EIF2AK2: variants seen among roughly 807,000 people sequenced by gnomAD.
EIF2AK2 encodes the protein interferon-induced, double-stranded RNA-activated protein kinase.
In EIF2AK2, 40 loss-of-function variants were observed where a neutral mutation model predicts 70.5. That is an observed-to-expected ratio of 0.57 (90% CI 0.44 to 0.74). The LOEUF (loss-of-function observed/expected upper bound fraction) is 0.74, where lower values mean the gene tolerates loss of function less well. EIF2AK2 is among the 30% of genes least tolerant of loss of function. EIF2AK2 has a pLI of 0.00. For missense variants in EIF2AK2, 555 were observed against 644.3 expected, an observed-to-expected ratio of 0.86 and a Z score of 1.50; for synonymous variants, 198 against 220.9, an observed-to-expected ratio of 0.90 and a Z score of 0.92.
intron 14 of EIF2AK2, among the ~76,000 whole-genome samples, chr2:37,113,434 G>A (rs1195427147): frequency 7.2e-6 from 1 of 139,280 alleles, no homozygotes; most frequent in Admixed American, 7.9e-5. Flanking sequence ...GGCAGAGGTT[G>A]TTGCAGTGAG....
At chr2:37,149,289 T>C in intron 1 of EIF2AK2, 5 of 1,053,356 alleles carry the variant, frequency 4.7e-6, no homozygotes, top group South Asian at 2.6e-5. Context: ...TAATTCATTA[T>C]AAACATGCTG....
At chr2:37,151,935 G>A (rs1405223262) in intron 1 of EIF2AK2, among the ~76,000 whole-genome samples, 2 of 152,304 alleles carry the variant, frequency 1.3e-5, no homozygotes, top group African/African-American at 4.8e-5. Flanking sequence ...GCGCGGTGGC[G>A]CGCGCCTGTA....
intron 13 of EIF2AK2, 92 bp downstream of exon 13, chr2:37,119,867 T>C (rs1304319912): frequency 5.4e-6 from 4 of 737,154 alleles, no homozygotes; most frequent in East Asian, 4.5e-5. Context: ...GTTGAGATTA[T>C]AGGCGTGAGC....
Position 37,126,334 on chromosome 2 carries a change from A to G in EIF2AK2, c.863T>C (p.Ile288Thr). The G allele has an allele frequency of 6.2e-7, 1 of 1,612,342 alleles. No homozygotes were observed. Among genetic ancestry groups the G allele is most frequent in the Non-Finnish European group, 8.5e-7 (1 of 1,179,318 alleles). Residue 288 changes from isoleucine to threonine, a missense_variant, in exon 11 of 17, where the codon ATT (isoleucine) becomes ACT (threonine). This residue lies in a region of EIF2AK2 where 299 missense variants were observed against 375.4 expected (regional missense o/e 0.80). Transcript: ENST00000233057. ...TTTAATAACGTAAGTCTTTCCGTCA[A>G]TTCTGTGTTTTGCTTTGAAAACTTG... is the stretch of plus-strand genomic sequence containing the variant. ...FGQVFKAKHR[I>T]DGKTYVIKRV...
intron 4 of EIF2AK2, among the ~76,000 whole-genome samples, chr2:37,143,493 AT>A (rs1343056554): frequency 6.6e-6 from 1 of 152,194 alleles, no homozygotes; most frequent in Non-Finnish European, 1.5e-5. Flanking sequence ...TCAACCAATC[AT>A]GGATCAAAAA....
intron 1 of EIF2AK2, among the ~76,000 whole-genome samples, chr2:37,156,190 A>C (rs1675917559): frequency 6.6e-6 from 1 of 152,164 alleles, no homozygotes; most frequent in Non-Finnish European, 1.5e-5. Context: ...AAAGGCCTAG[A>C]GGCTGGAGGA....
At chr2:37,137,069 TC>T (rs1401057900) in intron 8 of EIF2AK2, 52 bp from the exon 9 acceptor site, 1 of 1,492,672 alleles carries the variant, frequency 6.7e-7, no homozygotes, top group Admixed American at 2.1e-5. Context: ...TCAGTCATCT[TC>T]CTTTCCCGTT....
Position 37,126,282 on chromosome 2 carries a change from T to C in EIF2AK2, c.908+7A>G. 1 of 1,579,740 alleles carries C rather than the reference T, an allele frequency of 6.3e-7. No individual in the cohort carries two copies. The highest frequency in any genetic ancestry group is 1.7e-4 in the Middle Eastern group (1 of 5,808). On this transcript the variant is annotated splice_region_variant and intron_variant, in intron 11 of 16. Coordinates refer to ENST00000233057, the MANE Select transcript of EIF2AK2 (RefSeq NM_001135651.3). ...CATTCAAAAAAATGTAAACATTTAC[T>C]ACTTACTCGTTATTATATTTAACAC...
At chr2:37,141,203 G>C (rs1051357094) in intron 5 of EIF2AK2, among the ~76,000 whole-genome samples, 2 of 152,188 alleles carry the variant, frequency 1.3e-5, no homozygotes, top group African/African-American at 4.8e-5. Flanking sequence ...GTGGCAGAGA[G>C]GTTTTCAGAC....
chr2:37,107,424 G>A (rs1673999577), intron 16 of EIF2AK2, 29 bp from the exon 17 acceptor site: 1 of 1,609,926 alleles, frequency 6.2e-7, no homozygotes, highest in Non-Finnish European at 8.5e-7. Context: ...TCAATAGTAA[G>A]AAATAAAACA....
intron 8 of EIF2AK2, among the ~76,000 whole-genome samples, chr2:37,137,937 C>A (rs757266538): frequency 2.6e-5 from 4 of 151,632 alleles, no homozygotes; most frequent in Non-Finnish European, 5.9e-5. Flanking sequence ...ATGGTGAAAC[C>A]CCGTCTCTAC....
At position 37,151,990 on chromosome 2, in the gene EIF2AK2, C is replaced by T. The variant is rs1043245292; in HGVS notation, c.-183-2967G>A. ...CTGAGGCAGGAGAATGGCGTGAACC[C>T]GGCAGGCGGAGCTTGCAGTGAGCTG... On this transcript the variant is annotated intron_variant, in intron 1 of 16. Coordinates refer to ENST00000233057, the MANE Select transcript of EIF2AK2 (RefSeq NM_001135651.3). 3.3e-5 allele frequency among the ~76,000 whole-genome samples: 5 copies of T among 152,348 alleles called. No individual in the cohort carries two copies. The East Asian group carries it at 5.8e-4, about 18-fold the overall frequency.
chr2:37,141,734 A>G (rs899527937), intron 4 of EIF2AK2, 33 bp from the exon 5 acceptor site: 5 of 1,564,332 alleles, frequency 3.2e-6, no homozygotes, highest in Non-Finnish European at 4.3e-6. Context: ...TTTAATATAA[A>G]TGACAACAAA....
intron 14 of EIF2AK2, chr2:37,109,612 T>C (rs1674078316): frequency 4.1e-6 from 1 of 242,872 alleles, no homozygotes; most frequent in South Asian, 7.1e-5. Flanking sequence ...AGTAGGCGGC[T>C]TGCATTGCAA....
intron 15 of EIF2AK2, 108 bp downstream of exon 15, chr2:37,109,086 T>C (rs1674059061): frequency 4.6e-6 from 4 of 868,162 alleles, no homozygotes; most frequent in Non-Finnish European, 5.3e-6. Context: ...CAGATACTAA[T>C]ATGCTCAAGC....
chr2:37,147,098 T>C, intron 3 of EIF2AK2, 125 bp from the exon 4 acceptor site: 2 of 852,440 alleles, frequency 2.3e-6, no homozygotes, highest in South Asian at 4.0e-5. Context: ...CAATATAGCA[T>C]TTAAGCAGTC....
intron 10 of EIF2AK2, among the ~76,000 whole-genome samples, chr2:37,128,613 T>A (rs1490984035): frequency 6.6e-6 from 1 of 152,218 alleles, no homozygotes; most frequent in African/African-American, 2.4e-5. Context: ...CTCAAGAAAC[T>A]TCTGTTGAAT....
rs1374167846 is a variant in EIF2AK2 at position 37,139,696 on chromosome 2, G to C, written c.451C>G (p.Gln151Glu). ...EYSIGTGSTK[Q>E]EAKQLAAKLA... is the part of the protein sequence containing the mutation. ...TTAGCGGCCAATTGTTTTGCTTCCTGTTTAGTAGAACCTGTACCAATACTA... is the reference window on the plus strand; with the variant it reads ...TTAGCGGCCAATTGTTTTGCTTCCTCTTTAGTAGAACCTGTACCAATACTA... The change falls in exon 6 of 17, where the codon CAG (glutamine) becomes GAG (glutamate). Residue 151 changes from glutamine (Q) to glutamate (E), a missense_variant. Coordinates refer to ENST00000233057, the MANE Select transcript of EIF2AK2 (RefSeq NM_001135651.3). 1.9e-6 allele frequency: 3 copies of C among 1,613,948 alleles called. No individual in the cohort carries two copies. The highest frequency in any genetic ancestry group is 3.3e-5 in the Admixed American group (2 of 60,002).
At chr2:37,119,195 G>A (rs537299629) in intron 13 of EIF2AK2, among the ~76,000 whole-genome samples, 6 of 152,232 alleles carry the variant, frequency 3.9e-5, no homozygotes, top group South Asian at 2.1e-4. Context: ...CTCCTTGTCC[G>A]GACCATAAAA....
Sources: gnomAD v4.1 joint callset for allele counts (sites outside exome capture counted in the v4.1 genomes callset) on GRCh38, gnomAD v4.1.1 for gene constraint, gnomAD v4.1.1 regional missense constraint, MANE v1.5 for transcripts, NCBI Gene and HGNC (gene_info 2026-07-23, HGNC 2026-07-21) for gene names.